SLC35F4: variants seen among roughly 807,000 people sequenced by gnomAD.
SLC35F4 encodes the protein solute carrier family 35 member F4, also known as chromosome 14 open reading frame 36.
Under a neutral mutation model 44.2 loss-of-function variants are expected in SLC35F4, and 24 were observed. The ratio of observed to expected loss-of-function variants is 0.54; its 90% CI spans 0.39 to 0.76. The LOEUF (loss-of-function observed/expected upper bound fraction) is 0.76. Ranked by LOEUF, SLC35F4 falls within the 30% of genes least tolerant of loss-of-function variation. SLC35F4 has a pLI of 0.00. For missense variants in SLC35F4, 562 were observed against 586.1 expected, an observed-to-expected ratio of 0.96 and a Z score of 0.42; for synonymous variants, 238 against 223.6, an observed-to-expected ratio of 1.06 and a Z score of -0.57.
In SLC35F4 at chr14:57,609,248, TA is replaced by T. The variant is rs1356484592; in HGVS notation, c.104-15125del. On this transcript the variant is annotated intron_variant, in intron 1 of 7. Transcript: ENST00000556826. ...GTTTTATTAGAAAAAAATGATCTTT[TA>T]TTCACAGTGCAAAAGATTTATAAAA... Among the ~76,000 whole-genome samples the T allele has an allele frequency of 3.9e-5, 6 of 152,276 alleles. No individual in the cohort carries two copies. In the South Asian group the frequency reaches 8.3e-4, roughly 21 times the overall value.
chr14:57,850,366 G>C (rs1266382388), intron 1 of SLC35F4, among the ~76,000 whole-genome samples: 1 of 152,168 alleles, frequency 6.6e-6, no homozygotes, highest in Non-Finnish European at 1.5e-5. Flanking sequence ...GAAAGTAAAA[G>C]TCAACTCCAT....
intron 1 of SLC35F4, among the ~76,000 whole-genome samples, chr14:57,741,366 T>C (rs1004712913): frequency 1.3e-5 from 2 of 152,058 alleles, no homozygotes; most frequent in African/African-American, 4.8e-5. Flanking sequence ...AATGACTAAC[T>C]AGAATAAACA....
chr14:57,617,213 C>T (rs2071889078), intron 1 of SLC35F4, among the ~76,000 whole-genome samples: 1 of 147,132 alleles, frequency 6.8e-6, no homozygotes, highest in Non-Finnish European at 1.5e-5. Flanking sequence ...TCACTGCAAC[C>T]TCCACCTCCC....
chr14:57,734,431 G>C (rs1160242091), intron 1 of SLC35F4, among the ~76,000 whole-genome samples: 1 of 152,142 alleles, frequency 6.6e-6, no homozygotes, highest in Non-Finnish European at 1.5e-5. Context: ...AGATATCAAA[G>C]TATTTTACTA....
chr14:57,566,592 T>A (rs1428817914), intron 6 of SLC35F4, 28 bp from the exon 7 acceptor site: 1 of 1,564,072 alleles, frequency 6.4e-7, no homozygotes, highest in African/African-American at 1.4e-5. Flanking sequence ...AAATGCAAGA[T>A]GAAAGAGAAA....
Position 57,589,440 on chromosome 14 carries a change from G to C in SLC35F4, c.363C>G (p.Cys121Trp), listed in dbSNP as rs2070012644. 6 of 1,613,822 alleles carry C rather than the reference G, an allele frequency of 3.7e-6. No homozygotes were observed. The African/African-American group carries it at 8.0e-5, about 22-fold the overall frequency. Reference sequence around the variant, plus strand: ...AGATGCCCTTCAGAACCATGGACGTGCAGGACAGGCAGCGAGCCTTGATTC... The same window carrying C: ...AGATGCCCTTCAGAACCATGGACGTCCAGGACAGGCAGCGAGCCTTGATTC... The part of the protein sequence containing the change: ...ENRIKARCLS[C>W]TSMVLKGIWG... Residue 121 changes from cysteine (C) to tryptophan (W), a missense_variant, in exon 3 of 8, where the codon TGC (cysteine) becomes TGG (tryptophan). Coordinates refer to ENST00000556826, the MANE Select transcript of SLC35F4 (RefSeq NM_001306087.2).
chr14:57,651,026 T>C (rs1292019810), intron 1 of SLC35F4, among the ~76,000 whole-genome samples: 1 of 152,144 alleles, frequency 6.6e-6, no homozygotes, highest in Non-Finnish European at 1.5e-5. Context: ...ATAACATTAC[T>C]CCATTTATTT....
chr14:57,767,228 C>G (rs1402022374), intron 1 of SLC35F4, among the ~76,000 whole-genome samples: 1 of 152,126 alleles, frequency 6.6e-6, no homozygotes, highest in Non-Finnish European at 1.5e-5. Flanking sequence ...ATACAATCAA[C>G]AAATATGATC....
chr14:57,592,362 T>C (rs1224026038), intron 2 of SLC35F4, among the ~76,000 whole-genome samples: 1 of 152,236 alleles, frequency 6.6e-6, no homozygotes, highest in Non-Finnish European at 1.5e-5. Context: ...AAAATCATGG[T>C]GAGCTTCTTT....
At chr14:57,833,776 T>C (rs995226835) in intron 1 of SLC35F4, among the ~76,000 whole-genome samples, 3 of 152,362 alleles carry the variant, frequency 2.0e-5, no homozygotes, top group Middle Eastern at 3.4e-3. Context: ...CATATTTAAA[T>C]ATACCATGGA....
At chr14:57,794,249 G>A (rs976757593) in intron 1 of SLC35F4, among the ~76,000 whole-genome samples, 9 of 152,082 alleles carry the variant, frequency 5.9e-5, no homozygotes, top group African/African-American at 2.2e-4. Context: ...ATATTCAACA[G>A]AGTAAACACA....
chr14:57,920,092 C>T (rs901303979), intron 1 of SLC35F4, among the ~76,000 whole-genome samples: 13 of 152,116 alleles, frequency 8.5e-5, no homozygotes, highest in African/African-American at 3.1e-4. Context: ...GTTTCCTTAT[C>T]TTCAGTTAAA....
chr14:57,909,462 CA>C (rs1414440280), intron 1 of SLC35F4, among the ~76,000 whole-genome samples: 1 of 151,900 alleles, frequency 6.6e-6, no homozygotes, highest in Non-Finnish European at 1.5e-5. Context: ...TCCTCCCCTT[CA>C]ACCCCTGGCA....
At chr14:57,655,001 G>C (rs898642321) in intron 1 of SLC35F4, among the ~76,000 whole-genome samples, 1 of 152,036 alleles carries the variant, frequency 6.6e-6, no homozygotes, top group African/African-American at 2.4e-5. Flanking sequence ...TGTACTCCAG[G>C]GTGGCGTGAC....
chr14:57,884,125 G>A (rs1888597670), intron 1 of SLC35F4, among the ~76,000 whole-genome samples: 2 of 151,994 alleles, frequency 1.3e-5, no homozygotes, highest in Admixed American at 1.3e-4. Flanking sequence ...AGCACTCCCT[G>A]GGCCTTTTGA....
At chr14:57,937,335 C>T (rs538471102) in intron 1 of SLC35F4, among the ~76,000 whole-genome samples, 19 of 151,868 alleles carry the variant, frequency 1.3e-4, no homozygotes, top group East Asian at 9.8e-4. Flanking sequence ...CCCAAAGTGC[C>T]GGGATTACAG....
In SLC35F4 at chr14:57,633,592, T is replaced by C. The variant is rs574700960; in HGVS notation, c.104-39468A>G. 6.6e-5 allele frequency among the ~76,000 whole-genome samples: 10 copies of C among 152,216 alleles called. No homozygotes were observed. In the South Asian group the frequency reaches 2.1e-3, roughly 32 times the overall value. On this transcript the variant is annotated intron_variant, in intron 1 of 7. Transcript: ENST00000556826. ...CTTCCCATGTACCCTTCACCCAGCA[T>C]TTTACCACACACATAGATTTGTGTA...
Position 57,581,313 on chromosome 14 carries a change from C to CTTCT in SLC35F4, c.704_707dup (p.Leu237GlufsTer14), listed in dbSNP as rs774740586. 6.2e-7 allele frequency: 1 copy of CTTCT among 1,613,630 alleles called. No homozygotes were observed. Among genetic ancestry groups the CTTCT allele is most frequent in the Admixed American group, 1.7e-5 (1 of 59,938 alleles). On this transcript the variant is annotated frameshift_variant, in exon 4 of 8. Transcript: ENST00000556826. LOFTEE classifies it high-confidence loss of function. ...GAGCGGAGACATCCGTGGCCGTCAGCTTCTTTAAAGCCAGTAAATAAAGGT... is the reference window on the plus strand; with the variant it reads ...GAGCGGAGACATCCGTGGCCGTCAGCTTCTTTCTTTAAAGCCAGTAAATAAAGGT...
chr14:57,962,988 A>G lies in SLC35F4; in HGVS notation n.282+18925T>C, dbSNP rs549273911. ...ATAGGGGGGAAAAAAGAAAAAAAAT[A>G]CTGCTCTGCAGTACTGCCTTGGCTG... On this transcript the variant is annotated intron_variant and non_coding_transcript_variant, in intron 1 of 1. Transcript: ENST00000556568. Among the ~76,000 whole-genome samples, 8 of 152,236 alleles carry G rather than the reference A, an allele frequency of 5.3e-5. No individual in the cohort carries two copies. In the East Asian group the frequency reaches 1.5e-3, roughly 29 times the overall value.
Sources: gnomAD v4.1 joint callset for allele counts (sites outside exome capture counted in the v4.1 genomes callset) on GRCh38, gnomAD v4.1.1 for gene constraint, MANE v1.5 for transcripts, NCBI Gene and HGNC (gene_info 2026-07-23, HGNC 2026-07-21) for gene names.